The following WDR44 variants were observed in gnomAD, a reference collection of about 807,000 sequenced individuals.
The protein encoded by WDR44 is WD repeat-containing protein 44.
Under a neutral mutation model 65.7 loss-of-function variants are expected in WDR44, and 9 were observed. The observed-to-expected ratio is 0.14, with a 90% CI of 0.08 to 0.24. WDR44 has a LOEUF of 0.24. Ranked by LOEUF, WDR44 falls within the 10% of genes least tolerant of loss-of-function variation. The pLI, the probability that WDR44 is intolerant of heterozygous loss-of-function variation, is 1.00. For missense variants in WDR44, 425 were observed against 670.9 expected (o/e 0.63, Z 4.05); for synonymous variants, 220 against 235.2 (o/e 0.94, Z 0.59).
At chrX:118,386,694 A>T (rs2056770168) in intron 2 of WDR44, among the ~76,000 whole-genome samples, 1 of 111,854 alleles carries the variant, frequency 8.9e-6, no homozygotes, top group African/African-American at 3.2e-5. Context: ...AATCCTTTTT[A>T]GCTATAAAAG....
Position 118,404,391 on chromosome X carries a change from C to A in WDR44, c.1328C>A (p.Ala443Asp), listed in dbSNP as rs201543643. 1 of 1,206,080 alleles carries A rather than the reference C, an allele frequency of 8.3e-7. No individual in the cohort carries two copies. Among genetic ancestry groups the A allele is most frequent in the Admixed American group, 2.2e-5 (1 of 45,058 alleles). ...GKSVKRAKHL[A>D]EEYGERAINK... ...TCAGTAAAGAGAGCAAAGCACCTTGCTGAGGAATATGGTGAACGTGCTATA... is the reference window on the plus strand; with the variant it reads ...TCAGTAAAGAGAGCAAAGCACCTTGATGAGGAATATGGTGAACGTGCTATA... Residue 443 changes from alanine to aspartate, a missense_variant, in exon 9 of 20, where the codon GCT becomes GAT. By Grantham distance (126) the Ala-to-Asp change is moderately radical. Transcript: ENST00000254029.
At chrX:118,357,743 G>A (rs1300361694) in intron 1 of WDR44, among the ~76,000 whole-genome samples, 3 of 110,078 alleles carry the variant, frequency 2.7e-5, no homozygotes, top group African/African-American at 9.9e-5. Flanking sequence ...ACTTAACCAG[G>A]CATGGTGGTA....
intron 12 of WDR44, among the ~76,000 whole-genome samples, chrX:118,419,836 T>C (rs2057089425): frequency 8.9e-6 from 1 of 112,203 alleles, no homozygotes; most frequent in African/African-American, 3.2e-5. Flanking sequence ...ACTGTAATTA[T>C]TGCTACTTTA....
chrX:118,444,252 T>C, intron 18 of WDR44, 108 bp from the exon 19 acceptor site: 3 of 933,224 alleles, frequency 3.2e-6, no homozygotes, highest in Non-Finnish European at 4.3e-6. Flanking sequence ...AAATCACTCT[T>C]AGTTACTTCT....
At chrX:118,390,585 C>T (rs778610601) in intron 3 of WDR44, among the ~76,000 whole-genome samples, 1 of 111,257 alleles carries the variant, frequency 9.0e-6, no homozygotes, top group Admixed American at 9.6e-5. Flanking sequence ...CTCATTTTGA[C>T]CCCTCTTGTG....
intron 1 of WDR44, among the ~76,000 whole-genome samples, chrX:118,356,280 C>T (rs1345848942): frequency 8.9e-6 from 1 of 111,814 alleles, no homozygotes; most frequent in African/African-American, 3.3e-5. Flanking sequence ...ACACTGTTCA[C>T]TGCATTTCAA....
At chrX:118,394,779 C>T (rs2056851698) in intron 5 of WDR44, among the ~76,000 whole-genome samples, 1 of 111,032 alleles carries the variant, frequency 9.0e-6, no homozygotes, top group African/African-American at 3.3e-5. Context: ...CAGTAGTGGC[C>T]TGCTTTAGGA....
At chrX:118,408,645 C>T (rs981385650) in intron 10 of WDR44, among the ~76,000 whole-genome samples, 3 of 111,031 alleles carry the variant, frequency 2.7e-5, no homozygotes, top group Admixed American at 9.6e-5. Context: ...GTGATCCACC[C>T]GCCTGGACCT....
chrX:118,387,826 G>T (rs1482834945), intron 3 of WDR44, among the ~76,000 whole-genome samples: 1 of 111,602 alleles, frequency 9.0e-6, no homozygotes, highest in Non-Finnish European at 1.9e-5. Context: ...ATGCTATGAA[G>T]CTTCAAAGGT....
chrX:118,347,924 A>G (rs2056367404), intron 1 of WDR44, among the ~76,000 whole-genome samples: 1 of 111,680 alleles, frequency 9.0e-6, no homozygotes, highest in African/African-American at 3.3e-5. Flanking sequence ...TAGGAAATAC[A>G]TTTGGGTTTT....
chrX:118,400,720 C>T (rs2056904906), intron 8 of WDR44, among the ~76,000 whole-genome samples: 1 of 107,984 alleles, frequency 9.3e-6, no homozygotes, highest in African/African-American at 3.4e-5. Flanking sequence ...GCACATTGTG[C>T]AGGTTAGTTA....
Position 118,422,616 on chromosome X carries a change from G to A in WDR44, c.1738-10165G>A, listed in dbSNP as rs190407424. Among the ~76,000 whole-genome samples, 590 of 108,710 alleles carry A rather than the reference G, an allele frequency of 5.4e-3. 2 individuals are homozygous for A. Among genetic ancestry groups the A allele is most frequent in the Admixed American group, 0.01 (105 of 10,132 alleles). 94.4% of individuals were successfully genotyped at this position (108,710 alleles called of 115,157 possible). On this transcript the variant is annotated intron_variant, in intron 12 of 19. Transcript: ENST00000254029. ...CTGGGGCAGGAGAATTGCTTCAACC[G>A]GGAGGCGGAGGTTGCAGTGAGCCAA...
intron 12 of WDR44, among the ~76,000 whole-genome samples, chrX:118,430,865 C>T (rs972451986): frequency 6.3e-5 from 7 of 111,111 alleles, no homozygotes; most frequent in Non-Finnish European, 1.1e-4. Context: ...ATGAGGGAAG[C>T]CTGTTTAGCT....
chrX:118,404,890 C>T lies in WDR44; in HGVS notation c.1381+446C>T, dbSNP rs192813747. Reference sequence around the variant, plus strand: ...TAATTTTTTGTGTTTTTAGTAGAGACGGGGTTTCACTGTGTTAGCCAGGAT... The same window carrying T: ...TAATTTTTTGTGTTTTTAGTAGAGATGGGGTTTCACTGTGTTAGCCAGGAT... On this transcript the variant is annotated intron_variant, in intron 9 of 19. Coordinates refer to ENST00000254029, the MANE Select transcript of WDR44 (RefSeq NM_019045.5). Among the ~76,000 whole-genome samples the T allele has an allele frequency of 1.4e-3, 158 of 109,469 alleles. 3 individuals carry two copies. In the East Asian group the frequency reaches 0.044, roughly 30 times the overall value.
chrX:118,448,072 A>G (rs1338346959), intron 19 of WDR44, among the ~76,000 whole-genome samples: 1 of 109,085 alleles, frequency 9.2e-6, no homozygotes, highest in Non-Finnish European at 1.9e-5. Context: ...TGCTGCTGCT[A>G]CTACTGCACA....
intron 2 of WDR44, chrX:118,386,435 A>T (rs1477844569): frequency 2.8e-6 from 1 of 351,613 alleles, no homozygotes; most frequent in Non-Finnish European, 5.5e-6. Context: ...GTGTATATAA[A>T]TGTATACGTA....
In WDR44 at chrX:118,432,831, G is replaced by A. The variant is rs2057224022; in HGVS notation, c.1788G>A (p.Arg596=). The change falls in exon 13 of 20, where the codon CGG becomes CGA. Residue 596 remains arginine (R), a synonymous_variant. Transcript: ENST00000254029. The stretch of plus-strand genomic sequence containing the variant: ...CTGATGATAAAAACGCACCCTTTCG[G>A]CAACGGCCATTTTGCAAATATAAAG... ...EDPDDKNAPF[R]QRPFCKYKGH... The A allele has an allele frequency of 6.6e-6, 8 of 1,211,641 alleles. No homozygotes were observed. Among genetic ancestry groups the A allele is most frequent in the East Asian group, 3.0e-5 (1 of 33,854 alleles).
In WDR44 at chrX:118,433,900, A is replaced by C. The variant is rs763991031; in HGVS notation, c.1851+1006A>C. On this transcript the variant is annotated intron_variant, in intron 13 of 19. Coordinates refer to ENST00000254029, the MANE Select transcript of WDR44 (RefSeq NM_019045.5). ...TTACATGTGCTCTGTTCGTACCCTCAAAACAACCTTATGCGATTGTTGATG... is the reference window on the plus strand; with the variant it reads ...TTACATGTGCTCTGTTCGTACCCTCCAAACAACCTTATGCGATTGTTGATG... Among the ~76,000 whole-genome samples the C allele has an allele frequency of 4.5e-3, 493 of 109,666 alleles. 1 individual carries two copies. Among genetic ancestry groups the C allele is most frequent in the African/African-American group, 0.016 (465 of 29,657 alleles).
chrX:118,414,320 A>G (rs1310154833), intron 12 of WDR44, among the ~76,000 whole-genome samples: 3 of 85,571 alleles, frequency 3.5e-5, no homozygotes, highest in Admixed American at 1.6e-4. Flanking sequence ...TACTGGATAT[A>G]TACCCAAAGG....
Sources: gnomAD v4.1 joint callset for allele counts (sites outside exome capture counted in the v4.1 genomes callset) on GRCh38, gnomAD v4.1.1 for gene constraint, MANE v1.5 for transcripts, NCBI Gene and HGNC (gene_info 2026-07-23, HGNC 2026-07-21) for gene names.